FN1: variants seen among roughly 807,000 people sequenced by gnomAD.
FN1 encodes fibronectin.
FN1 carries 106 observed loss-of-function variants against 297.3 expected under a neutral mutation model. The ratio of observed to expected loss-of-function variants is 0.36; its 90% CI spans 0.30 to 0.42. The LOEUF is 0.42. FN1 is among the 10% of genes least tolerant of loss of function. The pLI is 1.00. For missense variants in FN1, 2,690 were observed against 3,124.9 expected (o/e 0.86, Z 3.32); for synonymous variants, 1,149 against 1,152.6 (o/e 1.00, Z 0.06).
chr2:215,386,727 C>G lies in FN1; in HGVS notation c.4574G>C (p.Arg1525Thr). 1 of 1,613,988 alleles carries G rather than the reference C, an allele frequency of 6.2e-7. No individual in the cohort carries two copies. The highest frequency in any genetic ancestry group is 8.5e-7 in the Non-Finnish European group (1 of 1,180,000). Residue 1525 changes from arginine (R) to threonine (T), a missense_variant, in exon 28 of 46, where the codon AGA becomes ACA. Physicochemically the swap from Arg to Thr is moderately conservative, Grantham distance 71. This residue lies in a region of FN1 where 1,743 missense variants were observed against 1,945.2 expected (regional missense o/e 0.90). Transcript: ENST00000354785. ...YVVSIVALNG[R>T]EESPLLIGQQ... Reference sequence around the variant, plus strand: ...GCCAATCAATAAGGGACTTTCCTCTCTGCCATTAAGAGCAACGATGCTGAC... The same window carrying G: ...GCCAATCAATAAGGGACTTTCCTCTGTGCCATTAAGAGCAACGATGCTGAC...
At chr2:215,391,951 C>A in intron 25 of FN1, 137 bp from the exon 26 acceptor site, 1 of 760,324 alleles carries the variant, frequency 1.3e-6, no homozygotes, top group Admixed American at 2.1e-5. Context: ...TAATCTAAGT[C>A]TATTTTAAGT....
intron 1 of FN1, 88 bp from the exon 2 acceptor site, chr2:215,434,912 T>C (rs2106555243): frequency 1.4e-6 from 2 of 1,416,562 alleles, no homozygotes; most frequent in Non-Finnish European, 2.0e-6. Context: ...TTGACGTACA[T>C]ATTTTTTTCC....
rs73089401 is a variant in FN1 at position 215,403,234 on chromosome 2, C to T, written c.3253+1155G>A. Among the ~76,000 whole-genome samples the T allele has an allele frequency of 3.2e-3, 493 of 152,168 alleles. 3 individuals carry two copies. Among genetic ancestry groups the T allele is most frequent in the African/African-American group, 0.012 (479 of 41,510 alleles). ...ATTAAAAGTGAATTTTACTTGCTTA[C>T]GATTAACTATTATTTAGGAAAAAGC... On this transcript the variant is annotated intron_variant, in intron 20 of 45. Coordinates refer to ENST00000354785, the MANE Select transcript of FN1 (RefSeq NM_212482.4).
chr2:215,379,322 C>A lies in FN1; in HGVS notation c.5435-5G>T. On this transcript the variant is annotated splice_polypyrimidine_tract_variant and splice_region_variant and intron_variant, in intron 33 of 45. Transcript: ENST00000354785. The stretch of plus-strand genomic sequence containing the variant: ...GGTCAGTTGGTGCAGGAATAGCTGT[C>A]GAGATTGTCATTGGTTAGAGGTTAT... 6.2e-7 allele frequency: 1 copy of A among 1,613,466 alleles called. No individual in the cohort carries two copies. Among genetic ancestry groups the A allele is most frequent in the South Asian group, 1.1e-5 (1 of 91,014 alleles).
chr2:215,391,907 TAAAGG>T, intron 25 of FN1, 93 bp from the exon 26 acceptor site: 1 of 1,013,622 alleles, frequency 9.9e-7, no homozygotes, highest in Non-Finnish European at 1.5e-6. Flanking sequence ...ATTTCATGCA[TAAAGG>T]AAACAGAATC....
In FN1 at chr2:215,383,625, A is replaced by C. The variant is rs2058508342; in HGVS notation, c.4895-142T>G. The C allele has an allele frequency of 2.0e-5, 18 of 895,448 alleles. No homozygotes were observed. In the South Asian group the frequency reaches 2.5e-4, roughly 13 times the overall value. 55.5% of individuals were successfully genotyped at this position (895,448 alleles called of 1,614,324 possible). A position where few individuals can be genotyped will look rare whatever the true frequency, so the allele number is the denominator to read the frequency against. ...TTTCTTCTCGAAAGAATACAGAGAG[A>C]GCTTTTAGAGGGATGGGGCAGGCAT... On this transcript the variant is annotated intron_variant, in intron 30 of 45. Transcript: ENST00000354785.
chr2:215,395,665 T>C (rs2060229278), intron 23 of FN1, among the ~76,000 whole-genome samples: 2 of 152,108 alleles, frequency 1.3e-5, no homozygotes, highest in Admixed American at 1.3e-4. Flanking sequence ...CAGTGATGAC[T>C]AGAGATCTGT....
chr2:215,431,095 T>C (rs1307000597), intron 4 of FN1, among the ~76,000 whole-genome samples: 2 of 152,108 alleles, frequency 1.3e-5, no homozygotes, highest in Non-Finnish European at 2.9e-5. Context: ...GGACTACATA[T>C]TTTCAGCGAG....
rs2053387886 is a variant in FN1 at position 215,361,215 on chromosome 2, G to T, written c.*340C>A. The T allele has an allele frequency of 3.5e-6, 1 of 285,220 alleles. No individual in the cohort carries two copies. Among genetic ancestry groups the T allele is most frequent in the Non-Finnish European group, 6.8e-6 (1 of 147,646 alleles). The allele number at this position is 285,220 out of a possible 1,614,324, so 17.7% of individuals were successfully genotyped here. On this transcript the variant is annotated 3_prime_UTR_variant, in exon 46 of 46. Transcript: ENST00000354785. ...GGTGACTTTCCTACTTAAAATTTTG[G>T]TCATATCATTTCAAAACATTTGCAT...
Position 215,394,916 on chromosome 2 carries a change from T to A in FN1, c.3605-197A>T, listed in dbSNP as rs373371404. On this transcript the variant is annotated intron_variant, in intron 23 of 45. Transcript: ENST00000354785. ...GATCCTCACTTTATTTTTTTATTTT[T>A]ATTTTTTGAGACAGTCTCCCTCTAT... 3.3e-5 allele frequency among the ~76,000 whole-genome samples: 5 copies of A among 152,306 alleles called. No homozygotes were observed. The South Asian group carries it at 1.0e-3, about 32-fold the overall frequency.
In FN1 at chr2:215,385,567, GAAA is replaced by G. The variant is rs528179850; in HGVS notation, c.4613-594_4613-592del. Among the ~76,000 whole-genome samples, 116 of 113,946 alleles carry G rather than the reference GAAA, an allele frequency of 1.0e-3. 2 individuals are homozygous for G. The East Asian group carries it at 0.012, about 11-fold the overall frequency. 74.8% of individuals were successfully genotyped at this position (113,946 alleles called of 152,430 possible). ...ACAGAGCAAGACTCCATTTCAGGAA[GAAA>G]AAAAAAAAAAAAAAAGTAATACAAT... On this transcript the variant is annotated intron_variant, in intron 28 of 45. Coordinates refer to ENST00000354785, the MANE Select transcript of FN1 (RefSeq NM_212482.4).
chr2:215,419,583 A>T (rs1161957357), intron 11 of FN1, among the ~76,000 whole-genome samples, 198 bp from the exon 12 acceptor site: 1 of 152,138 alleles, frequency 6.6e-6, no homozygotes, highest in African/African-American at 2.4e-5. Flanking sequence ...CAAAGTACCT[A>T]TTAGGAGGAA....
At chr2:215,392,852 C>T in intron 25 of FN1, 79 bp downstream of exon 25, 2 of 1,519,710 alleles carry the variant, frequency 1.3e-6, no homozygotes, top group Admixed American at 1.7e-5. Flanking sequence ...CCCCATGAAA[C>T]ATCCATATTT....
chr2:215,381,541 T>C, intron 32 of FN1: 1 of 249,486 alleles, frequency 4.0e-6, no homozygotes, highest in Non-Finnish European at 7.8e-6. Context: ...AGGCATGATC[T>C]TGGCTCACTG....
In FN1 at chr2:215,375,357, G is replaced by A. The variant is rs756331026; in HGVS notation, c.6014C>T (p.Thr2005Ile). Residue 2005 changes from threonine to isoleucine, a missense_variant, in exon 38 of 46, where the codon ACC becomes ATC. By Grantham distance (89) the Thr-to-Ile change is moderately conservative. Transcript: ENST00000354785. ...TGATACCAGCAAGGAATTGGGTGTGGTGGCCAGGAAACGCAGGTTGGATGG... is the reference window on the plus strand; with the variant it reads ...TGATACCAGCAAGGAATTGGGTGTGATGGCCAGGAAACGCAGGTTGGATGG... ...DAPSNLRFLA[T>I]TPNSLLVSWQ... 1.9e-6 allele frequency: 3 copies of A among 1,614,152 alleles called. No individual in the cohort carries two copies. The highest frequency in any genetic ancestry group is 2.5e-6 in the Non-Finnish European group (3 of 1,180,022).
chr2:215,404,727 G>C lies in FN1; in HGVS notation c.2987-72C>G, dbSNP rs1294317939. ...GATCATAACTCAAGTCCTGAAACTT[G>C]ATTGAATGTCTAAGTTTTCTCTCCT... is the stretch of plus-strand genomic sequence containing the variant. On this transcript the variant is annotated intron_variant, in intron 19 of 45. Transcript: ENST00000354785. 4.4e-6 allele frequency: 6 copies of C among 1,375,274 alleles called. No homozygotes were observed. The East Asian group carries it at 1.1e-4, about 26-fold the overall frequency. The allele number at this position is 1,375,274 out of a possible 1,614,324, so 85.2% of individuals were successfully genotyped here. A position where few individuals can be genotyped will look rare whatever the true frequency, so the allele number is the denominator to read the frequency against.
intron 43 of FN1, among the ~76,000 whole-genome samples, 172 bp from the exon 44 acceptor site, chr2:215,365,157 C>T (rs1420069711): frequency 6.6e-6 from 1 of 152,138 alleles, no homozygotes; most frequent in Non-Finnish European, 1.5e-5. Flanking sequence ...TAGGGTGGCA[C>T]TTCCAAAAAT....
intron 21 of FN1, among the ~76,000 whole-genome samples, chr2:215,398,717 CG>C (rs2060613371): frequency 6.6e-6 from 1 of 152,120 alleles, no homozygotes; most frequent in African/African-American, 2.4e-5. Flanking sequence ...TTGTATTCAC[CG>C]CTTCCCTAAT....
intron 28 of FN1, among the ~76,000 whole-genome samples, chr2:215,386,403 G>C (rs1488960557): frequency 1.3e-5 from 2 of 151,822 alleles, no homozygotes; most frequent in Non-Finnish European, 1.5e-5. Flanking sequence ...AACAAAACTT[G>C]TGTTATTAGA....
Sources: allele counts gnomAD v4.1 joint callset (sites outside exome capture counted in the v4.1 genomes callset), GRCh38; gene constraint gnomAD v4.1.1; regional missense constraint gnomAD v4.1.1; transcripts MANE v1.5; gene names NCBI Gene and HGNC (gene_info 2026-07-23, HGNC 2026-07-21).